Variants in RIMBP2 observed in about 807,000 individuals in gnomAD.
RIMBP2 encodes the protein RIMS-binding protein 2.
Under a neutral mutation model 118.6 loss-of-function variants are expected in RIMBP2, and 48 were observed. The ratio of observed to expected loss-of-function variants is 0.40; its 90% CI spans 0.32 to 0.51. The LOEUF (loss-of-function observed/expected upper bound fraction) is 0.51. Ranked by LOEUF, RIMBP2 falls within the 20% of genes least tolerant of loss-of-function variation. RIMBP2 has a pLI of 0.41. For synonymous variants in RIMBP2, 762 were observed against 742.9 expected (o/e 1.03, Z -0.42); for missense variants, 1,551 against 1,768.3 (o/e 0.88, Z 2.20).
intron 2 of RIMBP2, among the ~76,000 whole-genome samples, chr12:130,580,028 C>CAAAAAA (rs55653381): frequency 8.6e-6 from 1 of 116,526 alleles, no homozygotes; most frequent in Non-Finnish European, 1.7e-5. Context: ...ACCAAAAATA[C>CAAAAAA]AAAAAAAAAA....
rs371370952 is a variant in RIMBP2 at position 130,526,068 on chromosome 12, A to G, written c.-216-8151T>C. ...CTCCCTTGGTCCCAAGGCCCAGAGG[A>G]AGGTTCAGAAATGCCTCCAGTTGGC... On this transcript the variant is annotated intron_variant, in intron 2 of 22. Transcript: ENST00000690449. Among the ~76,000 whole-genome samples, 7 of 152,116 alleles carry G rather than the reference A, an allele frequency of 4.6e-5. 1 individual carries two copies. Among genetic ancestry groups the G allele is most frequent in the African/African-American group, 1.7e-4 (7 of 41,482 alleles).
chr12:130,643,376 G>A (rs2141038869), intron 1 of RIMBP2, among the ~76,000 whole-genome samples: 1 of 152,288 alleles, frequency 6.6e-6, no homozygotes, highest in Middle Eastern at 3.4e-3. Context: ...AGGATGAAGG[G>A]CAGGAAGGCG....
At chr12:130,639,722 A>T (rs1471006078) in intron 1 of RIMBP2, among the ~76,000 whole-genome samples, 1 of 152,080 alleles carries the variant, frequency 6.6e-6, no homozygotes, top group Non-Finnish European at 1.5e-5. Flanking sequence ...CCCGAATGGC[A>T]CCTGGCTCAT....
chr12:130,598,544 C>T (rs778758926), intron 2 of RIMBP2, among the ~76,000 whole-genome samples: 14 of 151,954 alleles, frequency 9.2e-5, no homozygotes, highest in Non-Finnish European at 1.6e-4. Context: ...CTGGCTAACA[C>T]GGTGAAACCC....
At chr12:130,558,408 G>A (rs1275793058) in intron 2 of RIMBP2, among the ~76,000 whole-genome samples, 4 of 152,128 alleles carry the variant, frequency 2.6e-5, no homozygotes, top group African/African-American at 7.2e-5. Context: ...CTGCCGGGGT[G>A]GGGCTGGGCT....
chr12:130,663,191 G>A (rs2063733969), intron 1 of RIMBP2, among the ~76,000 whole-genome samples: 1 of 152,220 alleles, frequency 6.6e-6, no homozygotes, highest in African/African-American at 2.4e-5. Context: ...ATGACTGATG[G>A]TCAGAGGTCA....
At chr12:130,630,713 G>GA (rs1323633042) in intron 1 of RIMBP2, among the ~76,000 whole-genome samples, 8 of 151,890 alleles carry the variant, frequency 5.3e-5, no homozygotes, top group Non-Finnish European at 7.4e-5. Context: ...TTTTAAAAAG[G>GA]AAAAAAATGG....
At chr12:130,526,082 C>T (rs1241767921) in intron 2 of RIMBP2, among the ~76,000 whole-genome samples, 2 of 152,058 alleles carry the variant, frequency 1.3e-5, no homozygotes, top group African/African-American at 4.8e-5. Context: ...TTCAGAAATG[C>T]CTCCAGTTGG....
Position 130,428,251 on chromosome 12 carries a change from C to T in RIMBP2, c.2340G>A (p.Glu780=). The T allele has an allele frequency of 6.2e-7, 1 of 1,613,778 alleles. No individual in the cohort carries two copies. Among genetic ancestry groups the T allele is most frequent in the South Asian group, 1.1e-5 (1 of 90,960 alleles). The change falls in exon 15 of 23, where the codon GAG becomes GAA. Residue 780 remains glutamate, a synonymous_variant. Transcript: ENST00000690449. ...CTTCCAGCTGCATTTCAGAATACAG[C>T]TCCTCCTCGTCCTCCTCCATGATGT... The part of the protein sequence containing the change: ...LSDIMEEDEE[E]LYSEMQLEDG...
At position 130,441,878 on chromosome 12, in the gene RIMBP2, C is replaced by A. The variant is rs1306022371; in HGVS notation, c.1474G>T (p.Ala492Ser). 1.2e-6 allele frequency: 2 copies of A among 1,613,680 alleles called. No individual in the cohort carries two copies. Among genetic ancestry groups the A allele is most frequent in the Non-Finnish European group, 1.7e-6 (2 of 1,180,046 alleles). The change falls in exon 11 of 23, where the codon GCC becomes TCC. Residue 492 changes from alanine to serine, a missense_variant. By Grantham distance (99) the Ala-to-Ser change is moderately conservative. This residue lies in a region of RIMBP2 where 1,038 missense variants were observed against 1,125.1 expected (regional missense o/e 0.92). Transcript: ENST00000690449. ...GGCAACGTGGAGAACTCCACAAAGG[C>A]CTCCTTCTTCTCCCTTTGCTCCAGC... ...LPLEQREKKE[A>S]FVEFSTLPAG...
At chr12:130,656,906 CA>C (rs934498884) in intron 1 of RIMBP2, among the ~76,000 whole-genome samples, 2 of 150,690 alleles carry the variant, frequency 1.3e-5, no homozygotes, top group Admixed American at 6.6e-5. Context: ...GATACCCTGT[CA>C]AAAAAAAATT....
chr12:130,462,191 C>T (rs1272032726), intron 6 of RIMBP2, among the ~76,000 whole-genome samples: 4 of 152,202 alleles, frequency 2.6e-5, no homozygotes, highest in Admixed American at 6.5e-5. Flanking sequence ...CATAAGCCTC[C>T]GACACACAGG....
chr12:130,637,692 A>G (rs1298604348), intron 1 of RIMBP2, among the ~76,000 whole-genome samples: 1 of 152,210 alleles, frequency 6.6e-6, no homozygotes, highest in Admixed American at 6.5e-5. Context: ...GATGCCTAAC[A>G]GAATGAGGTA....
rs997944595 is a variant in RIMBP2, at chr12:130,622,474, T to C, written c.-217+5848A>G. 3.3e-5 allele frequency among the ~76,000 whole-genome samples: 5 copies of C among 151,960 alleles called. No individual in the cohort carries two copies. Among genetic ancestry groups the C allele is most frequent in the Admixed American group, 2.6e-4 (4 of 15,256 alleles). ...TAATTGTACGTATAATTCTCTACTATTTTTCATATATTTATATATAATATA... is the reference window on the plus strand; with the variant it reads ...TAATTGTACGTATAATTCTCTACTACTTTTCATATATTTATATATAATATA... On this transcript the variant is annotated intron_variant, in intron 2 of 22. Transcript: ENST00000690449. The surrounding 1 kb of genome is among the most constrained non-coding windows in gnomAD (Gnocchi z 8.5).
chr12:130,493,486 T>C (rs187803995), intron 4 of RIMBP2, among the ~76,000 whole-genome samples: 11 of 152,184 alleles, frequency 7.2e-5, no homozygotes, highest in Non-Finnish European at 1.5e-4. Context: ...GGTTAATTTT[T>C]GTATTTTTAG....
chr12:130,661,336 G>T (rs1362719323), intron 1 of RIMBP2, among the ~76,000 whole-genome samples: 1 of 152,200 alleles, frequency 6.6e-6, no homozygotes, highest in Non-Finnish European at 1.5e-5. Context: ...AGACAGGTGA[G>T]CTGAGCTGGT....
intron 2 of RIMBP2, among the ~76,000 whole-genome samples, chr12:130,540,512 G>A (rs556404431): frequency 6.8e-4 from 104 of 152,152 alleles, no homozygotes; most frequent in African/African-American, 2.4e-3. Flanking sequence ...TCAGGAAACC[G>A]ACCATCAGAC....
At chr12:130,519,442 T>C (rs1319397896) in intron 2 of RIMBP2, among the ~76,000 whole-genome samples, 1 of 152,254 alleles carries the variant, frequency 6.6e-6, no homozygotes. Flanking sequence ...TACCCAACCT[T>C]AGGGAAAGTG....
intron 2 of RIMBP2, among the ~76,000 whole-genome samples, chr12:130,572,510 C>T (rs577167923): frequency 9.2e-5 from 14 of 152,218 alleles, no homozygotes; most frequent in African/African-American, 3.4e-4. Flanking sequence ...CCTGATTCTT[C>T]CATCCCTTTC....
Sources: gnomAD v4.1 joint callset for allele counts (sites outside exome capture counted in the v4.1 genomes callset) on GRCh38, gnomAD v4.1.1 for gene constraint, gnomAD v4.1.1 regional missense constraint, Gnocchi (gnomAD v3.1) non-coding constraint, MANE v1.5 for transcripts, NCBI Gene and HGNC (gene_info 2026-07-23, HGNC 2026-07-21) for gene names.